The following EPG5 variants were observed in gnomAD, a reference collection of about 807,000 sequenced individuals.
EPG5 encodes ectopic P-granules 5 autophagy tethering factor.
Under a neutral mutation model 302.7 loss-of-function variants are expected in EPG5, and 159 were observed. That is an observed-to-expected ratio of 0.53 (90% CI 0.46 to 0.60). The LOEUF is 0.60. EPG5 is among the 20% of genes least tolerant of loss of function. The pLI, the probability that EPG5 is intolerant of heterozygous loss-of-function variation, is 0.00. For synonymous variants in EPG5, 1,158 were observed against 1,136.8 expected (o/e 1.02, Z -0.37); for missense variants, 2,896 against 3,092.4 (o/e 0.94, Z 1.51).
chr18:45,930,762 G>C lies in EPG5; in HGVS notation c.2326C>G (p.Leu776Val). The C allele has an allele frequency of 1.2e-6, 2 of 1,612,070 alleles. No individual in the cohort carries two copies. Among genetic ancestry groups the C allele is most frequent in the Middle Eastern group, 3.3e-4 (2 of 6,060 alleles). ...TGAGCCATCTGAGCAAAGGTAGTCA[G>C]AAGGCAAATCTCTTCTGAGCTATTC... Reference protein sequence around the residue: ...SMNSSEEICLLTTFAQMAQAR... With the variant: ...SMNSSEEICLVTTFAQMAQAR... Residue 776 changes from leucine (L) to valine (V), a missense_variant, in exon 12 of 44, where the codon CTG (leucine) becomes GTG (valine). Leu to Val is a conservative substitution (Grantham distance 32, BLOSUM62 1). This residue lies in a region of EPG5 where 1,390 missense variants were observed against 1,430.0 expected (regional missense o/e 0.97). Transcript: ENST00000282041.
At chr18:45,839,045 C>A in the EPG5 span, 2 of 1,542,690 alleles carry the variant, frequency 1.3e-6, no homozygotes, top group Middle Eastern at 1.7e-4. Context: ...GGCTTCAAGG[C>A]GCTGCTGCTG....
the EPG5 span, chr18:45,838,044 TG>T: frequency 1.0e-5 from 11 of 1,097,670 alleles, no homozygotes; most frequent in Non-Finnish European, 1.3e-5. Flanking sequence ...ATCTCACACC[TG>T]GGGGTAGTTT....
At chr18:45,826,486 T>C in the EPG5 span, among the ~76,000 whole-genome samples, 2 of 152,178 alleles carry the variant, frequency 1.3e-5, no homozygotes, top group Non-Finnish European at 2.9e-5. Context: ...CAGCAAGTCC[T>C]AGGAATCTGC....
At chr18:45,839,244 GC>G in the EPG5 span, 2 of 1,172,130 alleles carry the variant, frequency 1.7e-6, no homozygotes, top group Non-Finnish European at 2.2e-6. Context: ...TTTGCATGAA[GC>G]CCAGCAGGTG....
At chr18:45,947,867 G>A (rs1243462284) in intron 6 of EPG5, among the ~76,000 whole-genome samples, 2 of 152,074 alleles carry the variant, frequency 1.3e-5, no homozygotes, top group African/African-American at 4.8e-5. Context: ...CCGCCTCCCA[G>A]GTTCAAATGA....
chr18:45,936,671 T>G (rs1010437200), intron 10 of EPG5, among the ~76,000 whole-genome samples: 1 of 137,520 alleles, frequency 7.3e-6, no homozygotes, highest in Non-Finnish European at 1.5e-5. Context: ...GAGGTTACAG[T>G]GATGGTGTCA....
intron 11 of EPG5, 129 bp from the exon 12 acceptor site, chr18:45,930,959 T>C: frequency 2.3e-6 from 2 of 868,220 alleles, no homozygotes; most frequent in Non-Finnish European, 1.7e-6. Context: ...CAAAATAGAT[T>C]TCTACAGGCA....
intron 34 of EPG5, among the ~76,000 whole-genome samples, chr18:45,877,148 G>A (rs923052497): frequency 1.3e-5 from 2 of 152,114 alleles, no homozygotes; most frequent in Non-Finnish European, 2.9e-5. Context: ...TGTAATCCCA[G>A]CACTTTGGGA....
intron 27 of EPG5, among the ~76,000 whole-genome samples, chr18:45,894,958 C>T (rs1115698): frequency 0.47 from 70,898 of 151,892 alleles, 17,612 homozygotes; most frequent in East Asian, 0.58. Flanking sequence ...GAATGGAAAA[C>T]AGACTAGGCA....
chr18:45,951,331 T>A (rs2050904903), intron 3 of EPG5, 93 bp from the exon 4 acceptor site: 2 of 887,072 alleles, frequency 2.3e-6, no homozygotes, highest in Non-Finnish European at 3.0e-6. Context: ...AACAAAAACC[T>A]TTAAAATATT....
intron 34 of EPG5, among the ~76,000 whole-genome samples, chr18:45,877,556 C>G (rs1020130144): frequency 6.6e-6 from 1 of 152,162 alleles, no homozygotes; most frequent in African/African-American, 2.4e-5. Context: ...ACTATAAAAT[C>G]CTGAAGCTTG....
At chr18:45,893,951 A>G (rs2049410842) in intron 27 of EPG5, among the ~76,000 whole-genome samples, 1 of 152,214 alleles carries the variant, frequency 6.6e-6, no homozygotes, top group Non-Finnish European at 1.5e-5. Context: ...GCATAAATCT[A>G]GAGCTGTTCA....
chr18:45,819,492 GAGA>G, the EPG5 span, among the ~76,000 whole-genome samples: 3 of 152,186 alleles, frequency 2.0e-5, no homozygotes, highest in African/African-American at 7.2e-5. Flanking sequence ...GCTGGGGAGT[GAGA>G]AGAAGTTGGG....
At chr18:45,859,873 T>G (rs565323636) in intron 40 of EPG5, among the ~76,000 whole-genome samples, 1 of 152,332 alleles carries the variant, frequency 6.6e-6, no homozygotes, top group Admixed American at 6.5e-5. Flanking sequence ...TTAGAGCTTT[T>G]CTCCCTTGAA....
At position 45,849,672 on chromosome 18, in the gene EPG5, G is replaced by C. The variant is rs2048399726; in HGVS notation, c.*2795C>G. ...CTGGTCTATGGGTTTTCATTTTCTG[G>C]ACTAGGCTTTCCCCAACCTCAAAGA... is the stretch of plus-strand genomic sequence containing the variant. On this transcript the variant is annotated 3_prime_UTR_variant, in exon 44 of 44. Coordinates refer to ENST00000282041, the MANE Select transcript of EPG5 (RefSeq NM_020964.3). 1 of 152,176 alleles carries C rather than the reference G, an allele frequency of 6.6e-6. No individual in the cohort carries two copies. The highest frequency in any genetic ancestry group is 1.5e-5 in the Non-Finnish European group (1 of 68,066). 9.4% of individuals were successfully genotyped at this position (152,176 alleles called of 1,614,324 possible). A position where few individuals can be genotyped will look rare whatever the true frequency, so the allele number is the denominator to read the frequency against.
intron 43 of EPG5, among the ~76,000 whole-genome samples, chr18:45,853,621 AG>A (rs1417738929): frequency 6.6e-6 from 1 of 152,222 alleles, no homozygotes; most frequent in African/African-American, 2.4e-5. Context: ...ATGTATTAAA[AG>A]ATGGAATGTG....
chr18:45,858,910 T>C, intron 40 of EPG5, 128 bp from the exon 41 acceptor site: 1 of 694,746 alleles, frequency 1.4e-6, no homozygotes, highest in East Asian at 2.7e-5. Flanking sequence ...GATAATAAGC[T>C]TCATGTCAAG....
At chr18:45,835,049 G>A in the EPG5 span, among the ~76,000 whole-genome samples, 4 of 152,116 alleles carry the variant, frequency 2.6e-5, no homozygotes, top group East Asian at 5.8e-4. Flanking sequence ...TCCTCCACTC[G>A]GGTTCAAAAA....
At chr18:45,882,189 C>T (rs1337015976) in intron 31 of EPG5, 85 bp downstream of exon 31, 1 of 1,194,002 alleles carries the variant, frequency 8.4e-7, no homozygotes, top group Non-Finnish European at 1.2e-6. Context: ...ACTTTCATAT[C>T]TTTGAATAAC....
Sources: allele counts gnomAD v4.1 joint callset (sites outside exome capture counted in the v4.1 genomes callset), GRCh38; gene constraint gnomAD v4.1.1; regional missense constraint gnomAD v4.1.1; transcripts MANE v1.5; gene names NCBI Gene and HGNC (gene_info 2026-07-23, HGNC 2026-07-21).